Variants in COL6A6 observed in about 807,000 individuals in gnomAD.
The protein encoded by COL6A6 is collagen type VI alpha 6 chain.
In COL6A6, 183 loss-of-function variants were observed where a neutral mutation model predicts 208.6. The ratio of observed to expected loss-of-function variants is 0.88; its 90% CI spans 0.78 to 0.99. COL6A6 has a LOEUF of 0.99. COL6A6 is among the 50% of genes least tolerant of loss of function. COL6A6 has a pLI of 0.00. For missense variants in COL6A6, 2,816 were observed against 2,815.2 expected (o/e 1.00, Z -0.01); for synonymous variants, 973 against 1,011.8 (o/e 0.96, Z 0.73).
At chr3:130,637,582 A>C (rs1478258563) in intron 28 of COL6A6, among the ~76,000 whole-genome samples, 1 of 152,164 alleles carries the variant, frequency 6.6e-6, no homozygotes, top group East Asian at 1.9e-4. Flanking sequence ...AAGTTTAGAC[A>C]TTGAAAATAT....
intron 13 of COL6A6, among the ~76,000 whole-genome samples, chr3:130,591,574 T>C (rs894214706): frequency 6.6e-6 from 1 of 152,252 alleles, no homozygotes; most frequent in Non-Finnish European, 1.5e-5. Context: ...CATTGGTTCA[T>C]TCAACAAATA....
intron 32 of COL6A6, among the ~76,000 whole-genome samples, chr3:130,646,046 CACAA>C (rs2065453785): frequency 6.6e-6 from 1 of 152,108 alleles, no homozygotes; most frequent in African/African-American, 2.4e-5. Flanking sequence ...GGATCCAGAT[CACAA>C]ACAAATAAAC....
intron 36 of COL6A6, among the ~76,000 whole-genome samples, chr3:130,671,237 G>A (rs533300967): frequency 6.6e-6 from 1 of 152,300 alleles, no homozygotes; most frequent in Non-Finnish European, 1.5e-5. Context: ...AGCCATGAAT[G>A]CTGCAAGGAC....
chr3:130,675,126 C>T, intron 36 of COL6A6, 76 bp from the exon 37 acceptor site: 1 of 967,112 alleles, frequency 1.0e-6, no homozygotes. Context: ...AATTAATTTA[C>T]TATGACAGAT....
chr3:130,622,207 C>T (rs1559760900), intron 24 of COL6A6, among the ~76,000 whole-genome samples: 1 of 142,610 alleles, frequency 7.0e-6, no homozygotes, highest in East Asian at 2.1e-4. Context: ...CCGCCTACCC[C>T]CCCCTTTTTT....
At position 130,675,441 on chromosome 3, in the gene COL6A6, CTG is replaced by C; in HGVS notation, c.*45_*46del. On this transcript the variant is annotated 3_prime_UTR_variant, in exon 37 of 37. Transcript: ENST00000358511. The stretch of plus-strand genomic sequence containing the variant: ...TAGCCTTAGGAAGCATGGTAAGACT[CTG>C]GACTTAAATAGTAACTAAATCTGCT... 7.1e-7 allele frequency: 1 copy of C among 1,408,048 alleles called. No individual in the cohort carries two copies. Among genetic ancestry groups the C allele is most frequent in the Non-Finnish European group, 9.5e-7 (1 of 1,048,456 alleles). 87.2% of individuals were successfully genotyped at this position (1,408,048 alleles called of 1,614,324 possible).
At chr3:130,609,636 AG>A (rs2108206023) in intron 22 of COL6A6, among the ~76,000 whole-genome samples, 1 of 152,332 alleles carries the variant, frequency 6.6e-6, no homozygotes, top group South Asian at 2.1e-4. Context: ...ACCACAAAAA[AG>A]TTAGAACTTT....
At chr3:130,658,420 G>A (rs1324996049) in intron 33 of COL6A6, among the ~76,000 whole-genome samples, 1 of 152,222 alleles carries the variant, frequency 6.6e-6, no homozygotes, top group Non-Finnish European at 1.5e-5. Flanking sequence ...AATGCTCACA[G>A]TAGTCCTGTT....
At chr3:130,549,897 T>C (rs1296344275) in intron 1 of COL6A6, among the ~76,000 whole-genome samples, 2 of 152,210 alleles carry the variant, frequency 1.3e-5, no homozygotes, top group Non-Finnish European at 2.9e-5. Context: ...TTTAAAGTAG[T>C]TTCTTTTCCT....
At chr3:130,567,353 A>G (rs2063052766) in intron 5 of COL6A6, 91 bp downstream of exon 5, 1 of 999,922 alleles carries the variant, frequency 1.0e-6, no homozygotes, top group Non-Finnish European at 1.5e-6. Flanking sequence ...AAAACAACAT[A>G]AATTACTAAG....
chr3:130,580,910 T>G (rs2063402555), intron 8 of COL6A6, among the ~76,000 whole-genome samples: 1 of 152,236 alleles, frequency 6.6e-6, no homozygotes, highest in Admixed American at 6.5e-5. Flanking sequence ...GCACCATCTT[T>G]GACATGGTCG....
At chr3:130,658,341 A>G (rs2065850135) in intron 33 of COL6A6, among the ~76,000 whole-genome samples, 3 of 152,184 alleles carry the variant, frequency 2.0e-5, no homozygotes, top group African/African-American at 7.2e-5. Flanking sequence ...AGATATGAAA[A>G]TGTTTTGTGA....
rs574286421 is a variant in COL6A6 at position 130,581,913 on chromosome 3, G to T, written c.3891+9G>T. The stretch of plus-strand genomic sequence containing the variant: ...CAGCTGCTCGAGGAAAGGTAACATG[G>T]ATTTATCTTATTTGTTGGTCTATGA... On this transcript the variant is annotated intron_variant, in intron 9 of 36. Coordinates refer to ENST00000358511, the MANE Select transcript of COL6A6 (RefSeq NM_001102608.3). 5 of 1,600,062 alleles carry T rather than the reference G, an allele frequency of 3.1e-6. No homozygotes were observed. Among genetic ancestry groups the T allele is most frequent in the Non-Finnish European group, 4.3e-6 (5 of 1,170,644 alleles).
intron 12 of COL6A6, among the ~76,000 whole-genome samples, chr3:130,590,667 A>G (rs1439211422): frequency 6.6e-6 from 1 of 151,870 alleles, no homozygotes; most frequent in Non-Finnish European, 1.5e-5. Flanking sequence ...TCCCGGGTTC[A>G]CGCCAGTCTC....
At chr3:130,635,206 G>T (rs2065075515) in intron 27 of COL6A6, among the ~76,000 whole-genome samples, 1 of 151,900 alleles carries the variant, frequency 6.6e-6, no homozygotes, top group Non-Finnish European at 1.5e-5. Flanking sequence ...CTGCACTCCA[G>T]CTTGGGTGAC....
At chr3:130,586,012 G>A (rs1380974837) in intron 10 of COL6A6, among the ~76,000 whole-genome samples, 2 of 152,116 alleles carry the variant, frequency 1.3e-5, no homozygotes, top group Non-Finnish European at 2.9e-5. Flanking sequence ...TGGGGTGCAG[G>A]GGCACAATCA....
At chr3:130,530,476 C>T (rs903481845) in intron 1 of COL6A6, among the ~76,000 whole-genome samples, 2 of 152,162 alleles carry the variant, frequency 1.3e-5, no homozygotes, top group African/African-American at 4.8e-5. Flanking sequence ...AATGAGATAA[C>T]CTAGAGCTGT....
At chr3:130,573,578 T>G (rs1252973105) in intron 7 of COL6A6, among the ~76,000 whole-genome samples, 1 of 149,774 alleles carries the variant, frequency 6.7e-6, no homozygotes, top group African/African-American at 2.5e-5. Context: ...TTTTTTTTTT[T>G]TTTTTTGAGA....
chr3:130,603,286 G>A (rs11707586), intron 20 of COL6A6, among the ~76,000 whole-genome samples: 2 of 152,306 alleles, frequency 1.3e-5, no homozygotes, highest in Admixed American at 6.5e-5. Context: ...CCGCCCATTA[G>A]CTGCCAGTAA....
Sources: gnomAD v4.1 joint callset for allele counts (sites outside exome capture counted in the v4.1 genomes callset) on GRCh38, gnomAD v4.1.1 for gene constraint, MANE v1.5 for transcripts, NCBI Gene and HGNC (gene_info 2026-07-23, HGNC 2026-07-21) for gene names.